Variants in NUFIP1 observed in about 807,000 individuals in gnomAD.
NUFIP1 encodes nuclear FMR1 interacting protein 1, also known as FMR1-interacting protein NUFIP1.
A neutral mutation model predicts 56.2 loss-of-function variants in NUFIP1; 38 were observed. The ratio of observed to expected loss-of-function variants is 0.68; its 90% CI spans 0.52 to 0.89. NUFIP1 has a LOEUF of 0.89. Ranked by LOEUF, NUFIP1 falls within the 40% of genes least tolerant of loss-of-function variation. The pLI is 0.00. For synonymous variants in NUFIP1, 215 were observed against 212.4 expected (o/e 1.01, Z -0.10); for missense variants, 567 against 605.8 (o/e 0.94, Z 0.67).
chr13:44,968,975 G>A (rs903840151), intron 5 of NUFIP1, among the ~76,000 whole-genome samples: 1 of 152,090 alleles, frequency 6.6e-6, no homozygotes, highest in African/African-American at 2.4e-5. Context: ...TCTCTTTCAG[G>A]CAGACTGCAG....
At chr13:44,941,733 T>G (rs1384827341) in intron 9 of NUFIP1, among the ~76,000 whole-genome samples, 1 of 152,006 alleles carries the variant, frequency 6.6e-6, no homozygotes, top group African/African-American at 2.4e-5. Flanking sequence ...CAGGATGGTC[T>G]CGATCTCCTG....
chr13:44,943,417 T>C lies in NUFIP1; in HGVS notation c.1371+25A>G, dbSNP rs1313665533. ...CTTTATGATGTGAGAACACAAAGATTAGAACCTAAAGAAAAATAATTTACC... is the reference window on the plus strand; with the variant it reads ...CTTTATGATGTGAGAACACAAAGATCAGAACCTAAAGAAAAATAATTTACC... On this transcript the variant is annotated intron_variant, in intron 9 of 9. Transcript: ENST00000379161. 8 of 1,591,302 alleles carry C rather than the reference T, an allele frequency of 5.0e-6. No homozygotes were observed. The East Asian group carries it at 6.7e-5, about 13-fold the overall frequency.
intron 5 of NUFIP1, among the ~76,000 whole-genome samples, chr13:44,976,981 C>T (rs1872003531): frequency 6.6e-6 from 1 of 152,142 alleles, no homozygotes; most frequent in Non-Finnish European, 1.5e-5. Context: ...CATCACCTCC[C>T]AAAGGTTCCC....
chr13:44,979,483 T>A (rs1020006895), intron 4 of NUFIP1, among the ~76,000 whole-genome samples: 1 of 152,226 alleles, frequency 6.6e-6, no homozygotes, highest in African/African-American at 2.4e-5. Flanking sequence ...GGTAACATAA[T>A]TTTGATTACA....
chr13:44,985,312 C>T (rs1193330605), intron 1 of NUFIP1, among the ~76,000 whole-genome samples: 1 of 152,154 alleles, frequency 6.6e-6, no homozygotes, highest in Non-Finnish European at 1.5e-5. Context: ...CAACTCCATC[C>T]TTCCAATTGT....
At chr13:44,979,790 A>C in intron 4 of NUFIP1, 100 bp downstream of exon 4, 1 of 756,584 alleles carries the variant, frequency 1.3e-6, no homozygotes, top group Non-Finnish European at 2.1e-6. Context: ...GTACTCCATT[A>C]GTGTTACCTA....
intron 1 of NUFIP1, among the ~76,000 whole-genome samples, chr13:44,982,625 G>T (rs964223671): frequency 6.6e-6 from 1 of 150,818 alleles, no homozygotes; most frequent in Non-Finnish European, 1.5e-5. Context: ...TTGTCTTCCA[G>T]TTCATAAGCC....
chr13:44,979,147 T>C, intron 5 of NUFIP1, 43 bp downstream of exon 5: 1 of 1,455,462 alleles, frequency 6.9e-7, no homozygotes. Flanking sequence ...ATAAGCCTTG[T>C]CACAGTAAAA....
intron 6 of NUFIP1, 45 bp downstream of exon 6, chr13:44,965,799 T>A (rs746970014): frequency 1.8e-6 from 2 of 1,129,428 alleles, no homozygotes; most frequent in South Asian, 3.2e-5. Flanking sequence ...TTTTAAGATT[T>A]TGTTTTGTGC....
chr13:44,944,417 C>G (rs1310129457), intron 8 of NUFIP1, among the ~76,000 whole-genome samples: 1 of 152,050 alleles, frequency 6.6e-6, no homozygotes, highest in Non-Finnish European at 1.5e-5. Context: ...CAAAGAATAA[C>G]ACCTAAGAAC....
In NUFIP1 at chr13:44,982,162, A is replaced by G. The variant is rs775459802; in HGVS notation, c.413-8T>C. 2 of 1,360,324 alleles carry G rather than the reference A, an allele frequency of 1.5e-6. No individual in the cohort carries two copies. Among genetic ancestry groups the G allele is most frequent in the South Asian group, 3.3e-5 (2 of 60,468 alleles). 84.3% of individuals were successfully genotyped at this position (1,360,324 alleles called of 1,614,324 possible). On this transcript the variant is annotated splice_polypyrimidine_tract_variant and splice_region_variant and intron_variant, in intron 1 of 9. Coordinates refer to ENST00000379161, the MANE Select transcript of NUFIP1 (RefSeq NM_012345.3). ...GATAATAAGAATTTTTAACTAAAAA[A>G]AAAAAGATCCATAAATGTTTGCAAC...
intron 6 of NUFIP1, among the ~76,000 whole-genome samples, chr13:44,964,377 G>T (rs375538601): frequency 6.6e-6 from 1 of 152,120 alleles, no homozygotes; most frequent in East Asian, 1.9e-4. Flanking sequence ...ATGAATAAAC[G>T]ATGGTCTCTA....
intron 9 of NUFIP1, among the ~76,000 whole-genome samples, chr13:44,941,575 G>GCC (rs1870737998): frequency 6.6e-6 from 1 of 152,096 alleles, no homozygotes; most frequent in African/African-American, 2.4e-5. Context: ...GTGCAGTGGC[G>GCC]GGATCTCAGC....
At chr13:44,961,052 G>GA (rs975537873) in intron 6 of NUFIP1, among the ~76,000 whole-genome samples, 762 of 53,470 alleles carry the variant, frequency 0.014, 9 homozygotes, top group Admixed American at 0.066. Flanking sequence ...TCTGTCTCCA[G>GA]AAAAAAAAAA....
chr13:44,967,267 C>A (rs960403338), intron 5 of NUFIP1, among the ~76,000 whole-genome samples: 1 of 151,902 alleles, frequency 6.6e-6, no homozygotes, highest in Non-Finnish European at 1.5e-5. Context: ...TGTGGTGGCT[C>A]ACGTCTGTAA....
chr13:44,977,870 G>A (rs369802375), intron 5 of NUFIP1, among the ~76,000 whole-genome samples: 1 of 152,102 alleles, frequency 6.6e-6, no homozygotes, highest in African/African-American at 2.4e-5. Flanking sequence ...CCAACATGGC[G>A]AAACCCCATC....
At chr13:44,953,469 G>A (rs1871139622) in intron 7 of NUFIP1, among the ~76,000 whole-genome samples, 1 of 151,974 alleles carries the variant, frequency 6.6e-6, no homozygotes, top group African/African-American at 2.4e-5. Context: ...AGAAAGACCT[G>A]TCCCTCCTCC....
At chr13:44,982,667 C>CA (rs796640736) in intron 1 of NUFIP1, among the ~76,000 whole-genome samples, 2,936 of 139,094 alleles carry the variant, frequency 0.021, 33 homozygotes, top group Middle Eastern at 0.033. Flanking sequence ...ATACTGACAC[C>CA]AAAAAAAAAA....
intron 3 of NUFIP1, 32 bp downstream of exon 3, chr13:44,980,690 A>G (rs749829474): frequency 2.2e-6 from 3 of 1,342,680 alleles, no homozygotes; most frequent in East Asian, 2.3e-5. Flanking sequence ...CACAATTGCT[A>G]CATCAGTTTC....
Sources: gnomAD v4.1 joint callset for allele counts (sites outside exome capture counted in the v4.1 genomes callset) on GRCh38, gnomAD v4.1.1 for gene constraint, MANE v1.5 for transcripts, NCBI Gene and HGNC (gene_info 2026-07-23, HGNC 2026-07-21) for gene names.